The following VAV2 variants were observed in gnomAD, a reference collection of about 807,000 sequenced individuals.
VAV2 encodes the protein guanine nucleotide exchange factor VAV2.
A neutral mutation model predicts 132.5 loss-of-function variants in VAV2; 67 were observed. The ratio of observed to expected loss-of-function variants is 0.51; its 90% CI spans 0.42 to 0.62. The LOEUF (loss-of-function observed/expected upper bound fraction) is 0.62. Among genes scored for constraint, VAV2 ranks in the 20% least tolerant of loss-of-function variants. The pLI, the probability that VAV2 is intolerant of heterozygous loss-of-function variation, is 0.00. For synonymous variants in VAV2, 492 were observed against 443.5 expected, an observed-to-expected ratio of 1.11 and a Z score of -1.37; for missense variants, 938 against 1,153.6, an observed-to-expected ratio of 0.81 and a Z score of 2.71.
rs9409867 is a variant in VAV2 at position 133,836,918 on chromosome 9, G to C, written c.381-2578C>G. Among the ~76,000 whole-genome samples, 1,410 of 152,280 alleles carry C rather than the reference G, an allele frequency of 9.3e-3. 19 individuals carry two copies. Among genetic ancestry groups the C allele is most frequent in the African/African-American group, 0.032 (1,326 of 41,552 alleles). ...CTCCTATCCCTGAAGCCCAGCGCAG[G>C]GTTCTTAACACAGGGCTCTACTCCT... On this transcript the variant is annotated intron_variant, in intron 3 of 29. Transcript: ENST00000371850.
chr9:133,769,371 A>C lies in VAV2; in HGVS notation c.2434+46T>G. On this transcript the variant is annotated intron_variant, in intron 28 of 29. Coordinates refer to ENST00000371850, the MANE Select transcript of VAV2 (RefSeq NM_001134398.2). This position sits in a 1 kb window ranked among gnomAD's most constrained non-coding sequence, Gnocchi z 8.1. Reference sequence around the variant, plus strand: ...AGCTCCGTGCTGGGTCTCCCAAGGCAGCTGCCACAGGCCCGGTCCCCCCAC... The same window carrying C: ...AGCTCCGTGCTGGGTCTCCCAAGGCCGCTGCCACAGGCCCGGTCCCCCCAC... The C allele has an allele frequency of 6.4e-7, 1 of 1,566,212 alleles. No individual in the cohort carries two copies.
chr9:133,915,968 CAT>C lies in VAV2; in HGVS notation c.321+23133_321+23134del, dbSNP rs766543380. On this transcript the variant is annotated intron_variant, in intron 2 of 29. Transcript: ENST00000371850. ...TGTACACACGATGCACACACGTACA[CAT>C]ACACACTCACACGATGCACACATGA... is the stretch of plus-strand genomic sequence containing the variant. Among the ~76,000 whole-genome samples, 126 of 100,764 alleles carry C rather than the reference CAT, an allele frequency of 1.3e-3. 1 individual carries two copies. Among genetic ancestry groups the C allele is most frequent in the South Asian group, 6.2e-3 (21 of 3,376 alleles). The allele number at this position is 100,764 out of a possible 152,430, so 66.1% of individuals were successfully genotyped here.
chr9:133,787,315 C>T (rs768186311), intron 15 of VAV2, 55 bp from the exon 16 acceptor site: 410 of 1,525,262 alleles, frequency 2.7e-4, no homozygotes, highest in Non-Finnish European at 3.2e-4. Context: ...AGGCTAAGCC[C>T]GGCCCTGTGG....
At chr9:133,827,788 A>G (rs370875448) in intron 4 of VAV2, among the ~76,000 whole-genome samples, 571 of 1,442 alleles carry the variant, frequency 0.4, 76 homozygotes, top group African/African-American at 0.48. Flanking sequence ...CACGGGCATC[A>G]CCACCTACCG....
At chr9:133,976,600 CT>C (rs1588208557) in intron 1 of VAV2, among the ~76,000 whole-genome samples, 1 of 152,212 alleles carries the variant, frequency 6.6e-6, no homozygotes, top group East Asian at 1.9e-4. Flanking sequence ...AGTTGTGGAA[CT>C]TTTTCATGCC....
At chr9:133,923,270 C>G (rs553447979) in intron 2 of VAV2, among the ~76,000 whole-genome samples, 1 of 152,282 alleles carries the variant, frequency 6.6e-6, no homozygotes, top group South Asian at 2.1e-4. Context: ...CTGGGGAGAA[C>G]AGTACGGAGT....
intron 2 of VAV2, among the ~76,000 whole-genome samples, chr9:133,934,814 C>G (rs1840845073): frequency 6.6e-6 from 1 of 152,212 alleles, no homozygotes; most frequent in African/African-American, 2.4e-5. Context: ...GCCGATGCTC[C>G]TAATCGGCCC....
intron 5 of VAV2, 30 bp from the exon 6 acceptor site, chr9:133,810,235 G>A: frequency 6.2e-7 from 1 of 1,613,052 alleles, no homozygotes; most frequent in Non-Finnish European, 8.5e-7. Context: ...ACCAGAAACA[G>A]CGCCGGTTAG....
At chr9:133,982,797 G>A (rs1222341155) in intron 1 of VAV2, among the ~76,000 whole-genome samples, 1 of 152,204 alleles carries the variant, frequency 6.6e-6, no homozygotes, top group Admixed American at 6.5e-5. Context: ...AAGCGTAAGA[G>A]TAATATTTCA....
intron 2 of VAV2, among the ~76,000 whole-genome samples, chr9:133,937,400 ATGTG>A (rs71380203): frequency 1.4e-5 from 2 of 142,524 alleles, no homozygotes; most frequent in African/African-American, 2.6e-5. Flanking sequence ...GTCTGTGTCA[ATGTG>A]TGTGTGTGAG....
chr9:133,968,793 C>T (rs1842231005), intron 1 of VAV2, among the ~76,000 whole-genome samples: 1 of 152,224 alleles, frequency 6.6e-6, no homozygotes, highest in Admixed American at 6.5e-5. Context: ...AGGGCCCTGT[C>T]CCCAGCTCAG....
At chr9:133,937,424 C>CTCTG (rs1840954121) in intron 2 of VAV2, among the ~76,000 whole-genome samples, 2 of 149,488 alleles carry the variant, frequency 1.3e-5, no homozygotes, top group African/African-American at 2.5e-5. Context: ...GACTGTATGT[C>CTCTG]TGTGTGTGTG....
intron 4 of VAV2, among the ~76,000 whole-genome samples, chr9:133,825,705 G>A (rs1023276010): frequency 2.6e-5 from 4 of 152,134 alleles, no homozygotes; most frequent in Non-Finnish European, 5.9e-5. Context: ...GGCCATAGAG[G>A]ACAGCGGTTT....
intron 25 of VAV2, 147 bp from the exon 26 acceptor site, chr9:133,772,193 C>T (rs1292779259): frequency 2.1e-5 from 12 of 561,648 alleles, no homozygotes; most frequent in East Asian, 5.2e-5. Context: ...TGTCCTACCC[C>T]AGCCCTTCGG....
chr9:133,930,899 T>C (rs965941432), intron 2 of VAV2, among the ~76,000 whole-genome samples: 2 of 152,208 alleles, frequency 1.3e-5, no homozygotes, highest in Non-Finnish European at 1.5e-5. Context: ...CAGTTTTAAC[T>C]GCCTCAGAAG....
At chr9:133,943,769 T>G (rs1413933536) in intron 1 of VAV2, among the ~76,000 whole-genome samples, 1 of 152,226 alleles carries the variant, frequency 6.6e-6, no homozygotes. Flanking sequence ...GAATCCCTTG[T>G]CCAGGCTCTG....
intron 4 of VAV2, among the ~76,000 whole-genome samples, chr9:133,812,845 G>C (rs1835410481): frequency 6.6e-6 from 1 of 152,222 alleles, no homozygotes; most frequent in African/African-American, 2.4e-5. Context: ...TCTGCCTGCA[G>C]GACTCAGCTC....
intron 2 of VAV2, among the ~76,000 whole-genome samples, chr9:133,876,678 G>T (rs904781431): frequency 6.6e-6 from 1 of 152,210 alleles, no homozygotes; most frequent in Non-Finnish European, 1.5e-5. Context: ...GACCGCGGGA[G>T]GGGGGCGGCC....
chr9:133,976,924 T>G (rs1022095882), intron 1 of VAV2, among the ~76,000 whole-genome samples: 7 of 152,200 alleles, frequency 4.6e-5, no homozygotes, highest in Admixed American at 2.0e-4. Flanking sequence ...AAGCACACAG[T>G]GTGAGCAGCT....
Sources: gnomAD v4.1 joint callset for allele counts (sites outside exome capture counted in the v4.1 genomes callset) on GRCh38, gnomAD v4.1.1 for gene constraint, Gnocchi (gnomAD v3.1) non-coding constraint, MANE v1.5 for transcripts, NCBI Gene and HGNC (gene_info 2026-07-23, HGNC 2026-07-21) for gene names.